Variants in NRG3 observed in about 807,000 individuals in gnomAD.
The protein encoded by NRG3 is neuregulin 3, also known as pro-neuregulin-3, membrane-bound isoform.
A neutral mutation model predicts 66.9 loss-of-function variants in NRG3; 31 were observed. The ratio of observed to expected loss-of-function variants is 0.46; its 90% CI spans 0.35 to 0.63. The LOEUF is 0.63. Among genes scored for constraint, NRG3 ranks in the 20% least tolerant of loss-of-function variants. NRG3 has a pLI of 0.00. For missense variants in NRG3, 910 were observed against 878.9 expected (o/e 1.04, Z -0.45); for synonymous variants, 393 against 359.4 (o/e 1.09, Z -1.06).
At chr10:82,613,497 AT>A (rs1460192451) in intron 2 of NRG3, among the ~76,000 whole-genome samples, 1 of 151,410 alleles carries the variant, frequency 6.6e-6, no homozygotes, top group Non-Finnish European at 1.5e-5. Context: ...GGATGATAAT[AT>A]TTTTACATCT....
At chr10:82,564,299 C>G (rs1043344476) in intron 2 of NRG3, among the ~76,000 whole-genome samples, 1 of 152,084 alleles carries the variant, frequency 6.6e-6, no homozygotes, top group African/African-American at 2.4e-5. Flanking sequence ...TCTGTTGATT[C>G]ATTTTGCATA....
At chr10:82,262,266 G>T (rs2078069722) in intron 1 of NRG3, among the ~76,000 whole-genome samples, 2 of 152,186 alleles carry the variant, frequency 1.3e-5, no homozygotes, top group African/African-American at 4.8e-5. Context: ...CACAGACAAG[G>T]ATTGGTTGGT....
At chr10:81,880,293 G>C (rs766076478) in intron 1 of NRG3, among the ~76,000 whole-genome samples, 4 of 152,090 alleles carry the variant, frequency 2.6e-5, no homozygotes, top group Non-Finnish European at 5.9e-5. Flanking sequence ...CAGTTCTTCA[G>C]ACTGAAGTGA....
intron 2 of NRG3, among the ~76,000 whole-genome samples, chr10:82,600,706 G>A (rs533599774): frequency 1.3e-5 from 2 of 152,116 alleles, no homozygotes; most frequent in Non-Finnish European, 2.9e-5. Context: ...CTGACCTCGT[G>A]ATCCTTTCAC....
At chr10:82,307,655 T>A (rs2080815576) in intron 1 of NRG3, among the ~76,000 whole-genome samples, 1 of 152,176 alleles carries the variant, frequency 6.6e-6, no homozygotes, top group Non-Finnish European at 1.5e-5. Context: ...TCTTCCTTAT[T>A]TTTCAACATT....
At chr10:82,635,125 T>G (rs535768681) in intron 2 of NRG3, among the ~76,000 whole-genome samples, 1 of 152,290 alleles carries the variant, frequency 6.6e-6, no homozygotes, top group African/African-American at 2.4e-5. Context: ...CATATCAAAC[T>G]ACAAGCAATT....
chr10:81,878,026 G>C (rs1041596219), intron 1 of NRG3: 1 of 1,537,352 alleles, frequency 6.5e-7, no homozygotes, highest in Non-Finnish European at 8.7e-7. Context: ...ACACGGTAGG[G>C]GTATTTCATG....
At chr10:82,789,386 T>C (rs1042969908) in intron 3 of NRG3, among the ~76,000 whole-genome samples, 6 of 152,116 alleles carry the variant, frequency 3.9e-5, no homozygotes, top group African/African-American at 1.4e-4. Flanking sequence ...ATATACTCAG[T>C]GGACAAGTGT....
chr10:81,956,961 T>C (rs1849894294), intron 1 of NRG3, among the ~76,000 whole-genome samples: 1 of 152,212 alleles, frequency 6.6e-6, no homozygotes, highest in Admixed American at 6.5e-5. Flanking sequence ...CATAGATAGC[T>C]AACAGCAGAA....
intron 2 of NRG3, among the ~76,000 whole-genome samples, chr10:82,608,983 C>A (rs984794446): frequency 6.6e-6 from 1 of 152,108 alleles, no homozygotes; most frequent in African/African-American, 2.4e-5. Flanking sequence ...TTTAAATGTT[C>A]CTACCCTGAT....
intron 2 of NRG3, among the ~76,000 whole-genome samples, chr10:82,379,102 T>C (rs1346792140): frequency 1.3e-5 from 2 of 152,126 alleles, no homozygotes; most frequent in Admixed American, 6.5e-5. Context: ...GAGTGTTTCT[T>C]CCTCAGGATG....
chr10:82,653,200 G>T (rs2133904829), intron 2 of NRG3, among the ~76,000 whole-genome samples: 1 of 152,228 alleles, frequency 6.6e-6, no homozygotes, highest in East Asian at 1.9e-4. Flanking sequence ...AGATTTCCAG[G>T]AATAATTAAG....
At chr10:81,986,515 C>G (rs1007782353) in intron 1 of NRG3, among the ~76,000 whole-genome samples, 1 of 151,874 alleles carries the variant, frequency 6.6e-6, no homozygotes. Context: ...ATGAAAAATC[C>G]AGTGAAAATG....
At chr10:82,534,815 T>A (rs1400958320) in intron 2 of NRG3, among the ~76,000 whole-genome samples, 1 of 151,904 alleles carries the variant, frequency 6.6e-6, no homozygotes, top group Non-Finnish European at 1.5e-5. Flanking sequence ...AAATACACAA[T>A]GGAGAAAGGA....
chr10:82,956,118 C>G (rs1480460652), intron 5 of NRG3, among the ~76,000 whole-genome samples: 1 of 151,834 alleles, frequency 6.6e-6, no homozygotes, highest in Non-Finnish European at 1.5e-5. Flanking sequence ...GTCTGCCTTC[C>G]CAGGAGCCCA....
rs540541414 is a variant in NRG3 at position 82,647,225 on chromosome 10, A to G, written c.954-91352A>G. On this transcript the variant is annotated intron_variant, in intron 2 of 8. Transcript: ENST00000372141. The stretch of plus-strand genomic sequence containing the variant: ...TGTGTCCATGTGTTCTCATTGTTCA[A>G]TTCCCACCTATGAGTGAGAATATGC... Among the ~76,000 whole-genome samples the G allele has an allele frequency of 4.9e-3, 743 of 152,040 alleles. 4 individuals are homozygous for G. Among genetic ancestry groups the G allele is most frequent in the African/African-American group, 0.017 (703 of 41,462 alleles).
chr10:82,710,830 A>G (rs1425625068), intron 2 of NRG3, among the ~76,000 whole-genome samples: 1 of 151,990 alleles, frequency 6.6e-6, no homozygotes, highest in Non-Finnish European at 1.5e-5. Context: ...TTATACATTC[A>G]TAAAAGTAAA....
intron 2 of NRG3, among the ~76,000 whole-genome samples, chr10:82,647,953 T>A (rs1316562365): frequency 6.8e-6 from 1 of 147,598 alleles, no homozygotes; most frequent in Admixed American, 6.8e-5. Context: ...ATTTTGTAGG[T>A]TGCCTGTTCA....
chr10:82,336,002 G>A (rs547570133), intron 1 of NRG3, among the ~76,000 whole-genome samples: 2 of 152,222 alleles, frequency 1.3e-5, no homozygotes, highest in East Asian at 3.9e-4. Flanking sequence ...ACTCATTGCA[G>A]CTCAAAAAGC....
Sources: allele counts gnomAD v4.1 joint callset (sites outside exome capture counted in the v4.1 genomes callset), GRCh38; gene constraint gnomAD v4.1.1; transcripts MANE v1.5; gene names NCBI Gene and HGNC (gene_info 2026-07-23, HGNC 2026-07-21).